Variants in RBM45 observed in about 807,000 individuals in gnomAD.
RBM45 encodes RNA-binding protein 45.
A neutral mutation model predicts 58.5 loss-of-function variants in RBM45; 39 were observed. The ratio of observed to expected loss-of-function variants is 0.67; its 90% confidence interval spans 0.52 to 0.87. RBM45 has a LOEUF of 0.87. RBM45 is among the 40% of genes least tolerant of loss of function. The pLI is 0.00. For synonymous variants in RBM45, 193 were observed against 203.0 expected (o/e 0.95, Z 0.42); for missense variants, 481 against 581.6 (o/e 0.83, Z 1.78).
Position 178,126,053 on chromosome 2 carries a change from T to A in RBM45, c.1302T>A (p.Asp434Glu), listed in dbSNP as rs145011008. ...ATGTGGGGTATGCCAAGTATGCCGATAGAATAAGTGCTAATGATGCCATTG... is the reference window on the plus strand; with the variant it reads ...ATGTGGGGTATGCCAAGTATGCCGAAAGAATAAGTGCTAATGATGCCATTG... ...GKNVGYAKYA[D>E]RISANDAIAT... Residue 434 changes from aspartate (D) to glutamate (E), a missense_variant, in exon 9 of 10, where the codon GAT becomes GAA. Coordinates refer to ENST00000286070, the MANE Select transcript of RBM45 (RefSeq NM_152945.4). 1 of 1,613,802 alleles carries A rather than the reference T, an allele frequency of 6.2e-7. No individual in the cohort carries two copies. The highest frequency in any genetic ancestry group is 1.3e-5 in the African/African-American group (1 of 74,936).
At chr2:178,136,130 G>A (rs2088042992) in intron 3 of RBM45, among the ~76,000 whole-genome samples, 1 of 152,118 alleles carries the variant, frequency 6.6e-6, no homozygotes, top group African/African-American at 2.4e-5. Context: ...TTAACATGGT[G>A]AAACCCCTTC....
At chr2:178,130,988 TC>T (rs2153906950), downstream of RBM45, among the ~76,000 whole-genome samples, 1 of 152,324 alleles carries the variant, frequency 6.6e-6, no homozygotes, top group East Asian at 1.9e-4. Flanking sequence ...GCGACTGTAG[TC>T]CCAGCTACTC....
intron 3 of RBM45, among the ~76,000 whole-genome samples, chr2:178,119,002 C>G (rs1314723554): frequency 1.3e-5 from 2 of 150,810 alleles, no homozygotes; most frequent in African/African-American, 2.5e-5. Flanking sequence ...TATGGCAGCC[C>G]TCACATTTAA....
chr2:178,133,099 G>A (rs1010360804), downstream of RBM45, among the ~76,000 whole-genome samples: 1 of 152,176 alleles, frequency 6.6e-6, no homozygotes, highest in Non-Finnish European at 1.5e-5. Flanking sequence ...GTAAGGCATC[G>A]AGAAGTTGTT....
At chr2:178,116,016 G>C (rs1447597190) in intron 1 of RBM45, among the ~76,000 whole-genome samples, 1 of 151,968 alleles carries the variant, frequency 6.6e-6, no homozygotes, top group African/African-American at 2.4e-5. Context: ...GCTGGGTGTG[G>C]TGGTGTGTGC....
intron 9 of RBM45, among the ~76,000 whole-genome samples, chr2:178,127,155 C>CTCCTGATCTCCTGATCTCCGGAT (rs1294969471): frequency 1.3e-5 from 2 of 152,064 alleles, no homozygotes; most frequent in African/African-American, 4.8e-5. Context: ...GATCTCCTGA[C>CTCCTGATCTCCTGATCTCCGGAT]CTCATGATCC....
chr2:178,125,587 A>G (rs1332182634), intron 8 of RBM45: 1 of 369,178 alleles, frequency 2.7e-6, no homozygotes, highest in Non-Finnish European at 5.5e-6. Flanking sequence ...GTCCAAGGAC[A>G]ATGTCAGAAC....
At chr2:178,122,350 A>G (rs1038748173) in intron 5 of RBM45, among the ~76,000 whole-genome samples, 6 of 152,096 alleles carry the variant, frequency 3.9e-5, no homozygotes, top group Admixed American at 2.0e-4. Context: ...GGCTATTGAC[A>G]TAGAAGTAGT....
intron 2 of RBM45, among the ~76,000 whole-genome samples, chr2:178,117,072 T>G (rs2087786444): frequency 6.6e-6 from 1 of 152,174 alleles, no homozygotes; most frequent in African/African-American, 2.4e-5. Flanking sequence ...AAAAAGCAAT[T>G]TTTTAATTGT....
chr2:178,121,880 C>T (rs2087857855), intron 5 of RBM45, among the ~76,000 whole-genome samples: 1 of 152,172 alleles, frequency 6.6e-6, no homozygotes, highest in South Asian at 2.1e-4. Context: ...CAATATCAGC[C>T]ATTTGAACTT....
At chr2:178,138,684 G>A (rs1260188293) in exon 4 of RBM45, 1 of 151,926 alleles carries the variant, frequency 6.6e-6, no homozygotes, top group Non-Finnish European at 1.5e-5. Flanking sequence ...AGGAAAGAAA[G>A]GCCAGTCGGT....
Position 178,112,459 on chromosome 2 carries a change from C to A in RBM45, c.-88C>A. On this transcript the variant is annotated 5_prime_UTR_variant, in exon 1 of 10. Transcript: ENST00000286070. ...TTTCTCCCGGAAGCGGAGCACCGAG[C>A]CGGCAAAGGCTTGGGTGTGAGACAG... 1 of 1,283,898 alleles carries A rather than the reference C, an allele frequency of 7.8e-7. No individual in the cohort carries two copies. The highest frequency in any genetic ancestry group is 1.1e-6 in the Non-Finnish European group (1 of 919,436). 79.5% of individuals were successfully genotyped at this position (1,283,898 alleles called of 1,614,324 possible). A position where few individuals can be genotyped will look rare whatever the true frequency, so the allele number is the denominator to read the frequency against.
At chr2:178,115,178 A>G (rs2087755759) in intron 1 of RBM45, among the ~76,000 whole-genome samples, 1 of 152,228 alleles carries the variant, frequency 6.6e-6, no homozygotes, top group Admixed American at 6.5e-5. Context: ...AATGCTTCTT[A>G]TCTAGAGCCT....
chr2:178,115,271 A>G (rs1200554816), intron 1 of RBM45, among the ~76,000 whole-genome samples: 1 of 152,254 alleles, frequency 6.6e-6, no homozygotes, highest in Non-Finnish European at 1.5e-5. Flanking sequence ...TGTTCTACAT[A>G]GACTGTCTCC....
chr2:178,118,148 C>G lies in RBM45; in HGVS notation c.517C>G (p.Gln173Glu). ...CTACGTACGATACTTAAAACCATCA[C>G]AAGCTGCCCAAGCAATAGAAAACTG... ...LGYVRYLKPSQAAQAIENCDR... is the reference protein window; with the variant it reads ...LGYVRYLKPSEAAQAIENCDR... The change falls in exon 3 of 10, where the codon CAA becomes GAA. Residue 173 changes from glutamine (Q) to glutamate (E), a missense_variant. Coordinates refer to ENST00000286070, the MANE Select transcript of RBM45 (RefSeq NM_152945.4). 1 of 1,612,328 alleles carries G rather than the reference C, an allele frequency of 6.2e-7. No individual in the cohort carries two copies. The highest frequency in any genetic ancestry group is 2.2e-5 in the East Asian group (1 of 44,816).
chr2:178,125,882 G>A, intron 8 of RBM45, 102 bp from the exon 9 acceptor site: 4 of 823,984 alleles, frequency 4.9e-6, no homozygotes, highest in South Asian at 3.0e-5. Flanking sequence ...TGTTGGATCT[G>A]GGGAGAAGGG....
intron 8 of RBM45, 195 bp from the exon 9 acceptor site, chr2:178,125,789 A>G (rs1274127842): frequency 1.4e-6 from 1 of 707,472 alleles, no homozygotes; most frequent in Non-Finnish European, 2.6e-6. Flanking sequence ...GATTAAGGAA[A>G]AGATGATGGT....
At chr2:178,130,101 T>C (rs1156515468), downstream of RBM45, among the ~76,000 whole-genome samples, 3 of 152,162 alleles carry the variant, frequency 2.0e-5, no homozygotes, top group Non-Finnish European at 4.4e-5. Flanking sequence ...TAAATAAATG[T>C]CAGTGGCTTT....
chr2:178,113,132 C>G (rs910599212), intron 1 of RBM45, among the ~76,000 whole-genome samples: 2 of 152,184 alleles, frequency 1.3e-5, no homozygotes, highest in African/African-American at 4.8e-5. Flanking sequence ...TGGGCTTCCC[C>G]TCTCCCTCGC....
Sources: gnomAD v4.1 joint callset for allele counts (sites outside exome capture counted in the v4.1 genomes callset) on GRCh38, gnomAD v4.1.1 for gene constraint, MANE v1.5 for transcripts, NCBI Gene and HGNC (gene_info 2026-07-23, HGNC 2026-07-21) for gene names.